Variants in LTBP1 observed in about 807,000 individuals in gnomAD.
The protein encoded by LTBP1 is latent-transforming growth factor beta-binding protein 1.
In LTBP1, 129 loss-of-function variants were observed where a neutral mutation model predicts 207.6. The ratio of observed to expected loss-of-function variants is 0.62; its 90% CI spans 0.54 to 0.72. The LOEUF is 0.72. LTBP1 is among the 30% of genes least tolerant of loss of function. The probability of loss-of-function intolerance (pLI) is 0.00; values close to 1 mark genes in which losing one functional copy is unlikely to be tolerated. For missense variants in LTBP1, 2,281 were observed against 2,217.2 expected (o/e 1.03, Z -0.58); for synonymous variants, 963 against 833.7 (o/e 1.16, Z -2.67).
At chr2:33,327,458 G>T (rs1389991607) in intron 24 of LTBP1, among the ~76,000 whole-genome samples, 2 of 152,062 alleles carry the variant, frequency 1.3e-5, no homozygotes, top group Non-Finnish European at 2.9e-5. Flanking sequence ...GAAGACAGAG[G>T]ATTCAAATAA....
chr2:33,168,849 G>C (rs529799771), intron 5 of LTBP1, among the ~76,000 whole-genome samples: 53 of 152,306 alleles, frequency 3.5e-4, no homozygotes, highest in African/African-American at 1.2e-3. Context: ...TAGTGATTTT[G>C]ACACCTTGTG....
chr2:33,384,890 A>G (rs1396359863), intron 31 of LTBP1, among the ~76,000 whole-genome samples: 5 of 152,174 alleles, frequency 3.3e-5, no homozygotes, highest in African/African-American at 9.7e-5. Flanking sequence ...GGCCCAGCAC[A>G]TGCTAGAAAT....
intron 32 of LTBP1, among the ~76,000 whole-genome samples, chr2:33,394,343 T>G (rs1372994021): frequency 1.3e-5 from 2 of 152,222 alleles, no homozygotes; most frequent in African/African-American, 4.8e-5. Flanking sequence ...CCATTGCTCT[T>G]GGTGTTTTAG....
At chr2:33,280,355 G>T (rs577190217) in intron 19 of LTBP1, among the ~76,000 whole-genome samples, 197 bp downstream of exon 19, 1 of 152,150 alleles carries the variant, frequency 6.6e-6, no homozygotes, top group African/African-American at 2.4e-5. Flanking sequence ...TAAGATTCTC[G>T]ATGGGGAAAA....
chr2:33,301,180 A>G (rs1176808376), intron 21 of LTBP1, among the ~76,000 whole-genome samples: 2 of 152,188 alleles, frequency 1.3e-5, no homozygotes, highest in African/African-American at 4.8e-5. Context: ...ACTTCCCAAT[A>G]AGTATGTGCT....
At chr2:33,078,138 C>G (rs1389712457) in intron 3 of LTBP1, among the ~76,000 whole-genome samples, 1 of 152,132 alleles carries the variant, frequency 6.6e-6, no homozygotes, top group Non-Finnish European at 1.5e-5. Flanking sequence ...ACGGTTGAGA[C>G]CCTTCATTAA....
intron 5 of LTBP1, among the ~76,000 whole-genome samples, chr2:33,179,864 T>G (rs1415994194): frequency 6.6e-6 from 1 of 152,178 alleles, no homozygotes; most frequent in East Asian, 1.9e-4. Flanking sequence ...TGTGTTTAAC[T>G]CTGTCTACTT....
In LTBP1 at chr2:33,032,856, A is replaced by T. The variant is rs188262734; in HGVS notation, c.863+11650A>T. 2.9e-4 allele frequency among the ~76,000 whole-genome samples: 44 copies of T among 152,354 alleles called. 2 individuals are homozygous for T. The East Asian group carries it at 6.4e-3, about 22-fold the overall frequency. On this transcript the variant is annotated intron_variant, in intron 3 of 33. Coordinates refer to ENST00000404816, the MANE Select transcript of LTBP1 (RefSeq NM_206943.4). ...AAATAATGGTAATTGCCTTTCACAG[A>T]ATCAGAAATGCTTTTCATACCTAGT...
intron 13 of LTBP1, among the ~76,000 whole-genome samples, chr2:33,261,893 A>C (rs1382111302): frequency 2.0e-5 from 3 of 152,338 alleles, no homozygotes; most frequent in Admixed American, 6.5e-5. Context: ...CAGAGGAGTA[A>C]GCTTTCTGGA....
chr2:32,965,473 C>T (rs1196944162), intron 2 of LTBP1, among the ~76,000 whole-genome samples: 1 of 152,164 alleles, frequency 6.6e-6, no homozygotes, highest in Non-Finnish European at 1.5e-5. Flanking sequence ...CTGTGCCCTG[C>T]CTACTCATCC....
At chr2:33,285,035 CT>C (rs934497674) in intron 19 of LTBP1, among the ~76,000 whole-genome samples, 8,110 of 120,072 alleles carry the variant, frequency 0.068, 292 homozygotes, top group African/African-American at 0.14. Context: ...GTATCACATT[CT>C]TTTTTTTTTT....
At chr2:33,121,888 TG>T (rs2150398395) in intron 4 of LTBP1, among the ~76,000 whole-genome samples, 1 of 152,244 alleles carries the variant, frequency 6.6e-6, no homozygotes, top group South Asian at 2.1e-4. Context: ...AGAGAGAAGG[TG>T]GTGGATATAG....
At chr2:33,264,255 C>CAAA (rs33981203) in intron 15 of LTBP1, among the ~76,000 whole-genome samples, 2 of 91,224 alleles carry the variant, frequency 2.2e-5, no homozygotes, top group African/African-American at 7.5e-5. Context: ...GACTCTGTCT[C>CAAA]AAAAAAAAAA....
intron 7 of LTBP1, among the ~76,000 whole-genome samples, chr2:33,197,240 T>C (rs2088668049): frequency 6.6e-6 from 1 of 152,224 alleles, no homozygotes; most frequent in African/African-American, 2.4e-5. Flanking sequence ...GTGGTTTTCT[T>C]GAATATAAAT....
At chr2:33,170,462 GC>G (rs1466574105) in intron 5 of LTBP1, among the ~76,000 whole-genome samples, 1 of 152,232 alleles carries the variant, frequency 6.6e-6, no homozygotes, top group African/African-American at 2.4e-5. Context: ...AGGGGCGCCC[GC>G]CATTGCCCAG....
At chr2:33,120,328 TCCCTCCTTTTA>T (rs1030630577) in intron 4 of LTBP1, among the ~76,000 whole-genome samples, 1 of 152,162 alleles carries the variant, frequency 6.6e-6, no homozygotes, top group East Asian at 1.9e-4. Context: ...TCTGCCCTTC[TCCCTCCTTTTA>T]CCCTCCCACT....
chr2:33,041,805 C>A (rs2076200467), intron 3 of LTBP1, among the ~76,000 whole-genome samples: 1 of 152,126 alleles, frequency 6.6e-6, no homozygotes, highest in Non-Finnish European at 1.5e-5. Context: ...CTTGCTCACA[C>A]ACATATATAA....
chr2:33,142,674 G>C (rs1193624333), intron 5 of LTBP1, among the ~76,000 whole-genome samples: 1 of 152,102 alleles, frequency 6.6e-6, no homozygotes, highest in African/African-American at 2.4e-5. Flanking sequence ...GGTTGTATAA[G>C]AACATATGTC....
chr2:33,048,903 T>C (rs1056854601), intron 3 of LTBP1, among the ~76,000 whole-genome samples: 5 of 152,246 alleles, frequency 3.3e-5, no homozygotes, highest in African/African-American at 1.2e-4. Flanking sequence ...TAAGAATGTT[T>C]TTTATAAAAG....
Sources: allele counts gnomAD v4.1 joint callset (sites outside exome capture counted in the v4.1 genomes callset), GRCh38; gene constraint gnomAD v4.1.1; transcripts MANE v1.5; gene names NCBI Gene and HGNC (gene_info 2026-07-23, HGNC 2026-07-21).